PPP2R2B: variants seen among roughly 807,000 people sequenced by gnomAD.
The protein encoded by PPP2R2B is serine/threonine-protein phosphatase 2A 55 kDa regulatory subunit B beta isoform.
PPP2R2B carries 5 observed loss-of-function variants against 46.0 expected under a neutral mutation model. That is an observed-to-expected ratio of 0.11 (90% CI 0.06 to 0.23). PPP2R2B has a LOEUF of 0.23. Ranked by LOEUF, PPP2R2B falls within the 10% of genes least tolerant of loss-of-function variation. The pLI is 1.00. For synonymous variants in PPP2R2B, 215 were observed against 206.7 expected (o/e 1.04, Z -0.34); for missense variants, 367 against 575.0 (o/e 0.64, Z 3.70).
At chr5:146,737,519 T>C (rs986048633) in intron 2 of PPP2R2B, among the ~76,000 whole-genome samples, 1 of 152,216 alleles carries the variant, frequency 6.6e-6, no homozygotes, top group Non-Finnish European at 1.5e-5. Context: ...GGAAGGTTAC[T>C]TGTCAAACCT....
rs368111278 is a variant in PPP2R2B, at chr5:146,900,209, A to G, written c.79+155456T>C. Among the ~76,000 whole-genome samples, 12 of 152,336 alleles carry G rather than the reference A, an allele frequency of 7.9e-5. No homozygotes were observed. The East Asian group carries it at 2.1e-3, about 27-fold the overall frequency. On this transcript the variant is annotated intron_variant, in intron 1 of 8. Transcript: ENST00000336640. Reference sequence around the variant, plus strand: ...CCATGCACAGACAAGATCCACTAATAGGTCGACCCAAGGAATAAGTGTCAA... The same window carrying G: ...CCATGCACAGACAAGATCCACTAATGGGTCGACCCAAGGAATAAGTGTCAA...
At chr5:146,707,560 G>C in intron 2 of PPP2R2B, 1 of 715,788 alleles carries the variant, frequency 1.4e-6, no homozygotes. Flanking sequence ...GGGTGCCAGA[G>C]GTGGACACCT....
intron 1 of PPP2R2B, among the ~76,000 whole-genome samples, chr5:146,891,747 A>G (rs750790478): frequency 2.0e-5 from 3 of 152,228 alleles, no homozygotes; most frequent in Non-Finnish European, 4.4e-5. Flanking sequence ...ATGTAGAGGC[A>G]TCTAGTGGAA....
chr5:146,802,659 A>G (rs183228376), intron 2 of PPP2R2B, among the ~76,000 whole-genome samples: 69 of 152,334 alleles, frequency 4.5e-4, no homozygotes, highest in African/African-American at 1.5e-3. Flanking sequence ...TAGCCAGATA[A>G]GACATGGGAT....
At chr5:147,027,832 C>A (rs533750748) in intron 1 of PPP2R2B, among the ~76,000 whole-genome samples, 1 of 152,140 alleles carries the variant, frequency 6.6e-6, no homozygotes, top group Non-Finnish European at 1.5e-5. Flanking sequence ...TATGTCCCAA[C>A]AAAGTTCATT....
intron 2 of PPP2R2B, among the ~76,000 whole-genome samples, chr5:146,865,700 G>A (rs982146152): frequency 1.3e-5 from 2 of 152,138 alleles, no homozygotes; most frequent in Non-Finnish European, 2.9e-5. Flanking sequence ...CTATGTGTGA[G>A]GACTCTAATG....
upstream of PPP2R2B, chr5:146,878,868 T>A: frequency 1.7e-6 from 2 of 1,183,262 alleles, no homozygotes; most frequent in Non-Finnish European, 2.2e-6. This position sits in a 1 kb window ranked among gnomAD's most constrained non-coding sequence, Gnocchi z 4.5. Context: ...AGGCTGCGGC[T>A]GCTCTTTGCT....
intron 1 of PPP2R2B, among the ~76,000 whole-genome samples, chr5:146,952,407 G>A (rs548520436): frequency 1.3e-5 from 2 of 152,112 alleles, no homozygotes; most frequent in Admixed American, 6.6e-5. Flanking sequence ...AGGATGCCTT[G>A]AATGTGATCC....
chr5:146,977,333 ATCC>A (rs1752957065), intron 1 of PPP2R2B, among the ~76,000 whole-genome samples: 1 of 151,934 alleles, frequency 6.6e-6, no homozygotes, highest in African/African-American at 2.4e-5. Flanking sequence ...GGCTTAAACA[ATCC>A]TCCTACCTCA....
chr5:146,984,454 A>G (rs1321277667), intron 1 of PPP2R2B, among the ~76,000 whole-genome samples: 1 of 152,190 alleles, frequency 6.6e-6, no homozygotes, highest in Non-Finnish European at 1.5e-5. Flanking sequence ...CATGATGTAT[A>G]TATGCCATAT....
At chr5:147,062,777 C>T (rs985914947) in intron 2 of PPP2R2B, among the ~76,000 whole-genome samples, 2 of 151,780 alleles carry the variant, frequency 1.3e-5, no homozygotes, top group Non-Finnish European at 1.5e-5. Flanking sequence ...TTACTTCTGA[C>T]CTATTTGAAA....
At chr5:146,803,761 GT>G (rs1757005661) in intron 2 of PPP2R2B, among the ~76,000 whole-genome samples, 1 of 152,170 alleles carries the variant, frequency 6.6e-6, no homozygotes, top group Admixed American at 6.5e-5. Context: ...AAACTATGTG[GT>G]TTTTGGCAAA....
At chr5:146,593,793 G>A (rs1176552624) in intron 8 of PPP2R2B, among the ~76,000 whole-genome samples, 1 of 152,160 alleles carries the variant, frequency 6.6e-6, no homozygotes, top group Non-Finnish European at 1.5e-5. Flanking sequence ...CTGGGGGAGA[G>A]GATGATCAGT....
chr5:146,897,563 T>C (rs1057378613), intron 1 of PPP2R2B, among the ~76,000 whole-genome samples: 2 of 152,200 alleles, frequency 1.3e-5, no homozygotes, highest in Non-Finnish European at 2.9e-5. Context: ...GTTCTACTGA[T>C]TCATTCTCAC....
intron 1 of PPP2R2B, among the ~76,000 whole-genome samples, chr5:147,005,651 G>T (rs1446174053): frequency 6.6e-6 from 1 of 152,000 alleles, no homozygotes; most frequent in Non-Finnish European, 1.5e-5. Context: ...AGAAAGGAAA[G>T]AGAGAAAGAG....
At chr5:146,732,675 T>C (rs1046148274) in intron 2 of PPP2R2B, among the ~76,000 whole-genome samples, 1 of 152,166 alleles carries the variant, frequency 6.6e-6, no homozygotes, top group African/African-American at 2.4e-5. Flanking sequence ...TCAATAAAAT[T>C]TATTGTATGT....
intron 2 of PPP2R2B, among the ~76,000 whole-genome samples, chr5:146,851,897 G>A (rs1015445275): frequency 3.8e-4 from 57 of 151,934 alleles, no homozygotes; most frequent in African/African-American, 1.3e-3. Context: ...TGGAGAAGTT[G>A]TAAATTTTTC....
chr5:146,594,059 T>G (rs1330744162), intron 8 of PPP2R2B, among the ~76,000 whole-genome samples: 1 of 152,144 alleles, frequency 6.6e-6, no homozygotes, highest in Non-Finnish European at 1.5e-5. Flanking sequence ...CAAAGATGAC[T>G]CCCTGATCTT....
chr5:146,896,526 C>T (rs1023138852), intron 1 of PPP2R2B, among the ~76,000 whole-genome samples: 4 of 152,166 alleles, frequency 2.6e-5, no homozygotes, highest in Non-Finnish European at 5.9e-5. Context: ...TGCCATAATT[C>T]CCATAATCAT....
Sources: gnomAD v4.1 joint callset for allele counts (sites outside exome capture counted in the v4.1 genomes callset) on GRCh38, gnomAD v4.1.1 for gene constraint, Gnocchi (gnomAD v3.1) non-coding constraint, MANE v1.5 for transcripts, NCBI Gene and HGNC (gene_info 2026-07-23, HGNC 2026-07-21) for gene names.